TP53I13: variants seen among roughly 807,000 people sequenced by gnomAD.
TP53I13 encodes the protein tumor protein p53-inducible protein 13.
Under a neutral mutation model 39.1 loss-of-function variants are expected in TP53I13, and 27 were observed. The observed-to-expected ratio is 0.69, with a 90% CI of 0.51 to 0.95. The LOEUF (loss-of-function observed/expected upper bound fraction) is 0.95, where lower values mean the gene tolerates loss of function less well. TP53I13 is among the 40% of genes least tolerant of loss of function. The pLI, the probability that TP53I13 is intolerant of heterozygous loss-of-function variation, is 0.00. For synonymous variants in TP53I13, 230 were observed against 224.6 expected (o/e 1.02, Z -0.22); for missense variants, 544 against 520.4 (o/e 1.05, Z -0.44).
intron 3 of TP53I13, chr17:29,570,651 C>A (rs530875169): frequency 6.6e-6 from 1 of 152,238 alleles, no homozygotes; most frequent in African/African-American, 2.4e-5. Context: ...CCCACCTTAT[C>A]GTGGCCATAT....
At chr17:29,576,505 C>A (rs766232340), downstream of TP53I13, 21 of 1,613,490 alleles carry the variant, frequency 1.3e-5, no homozygotes, top group Non-Finnish European at 1.7e-5. Flanking sequence ...CCCCTCCCAC[C>A]GAGGCTGCAC....
At chr17:29,576,739 G>A, downstream of TP53I13, 4 of 1,600,750 alleles carry the variant, frequency 2.5e-6, no homozygotes, top group Non-Finnish European at 3.4e-6. Context: ...GCAGGGGGCA[G>A]TTATTGAGGC....
chr17:29,577,991 G>A (rs1279581792), downstream of TP53I13, among the ~76,000 whole-genome samples: 2 of 152,260 alleles, frequency 1.3e-5, no homozygotes, highest in Admixed American at 6.5e-5. Context: ...GCTGGAATCC[G>A]GCTGTGGCCA....
chr17:29,577,802 G>A (rs1598568492), downstream of TP53I13: 5 of 1,004,994 alleles, frequency 5.0e-6, no homozygotes, highest in East Asian at 4.8e-5. Flanking sequence ...GGTGGGGGTG[G>A]GGAAGCACTG....
downstream of TP53I13, chr17:29,573,829 G>A (rs1232403560): frequency 6.6e-6 from 1 of 151,798 alleles, no homozygotes; most frequent in African/African-American, 2.5e-5. Context: ...CCACGCAGGA[G>A]CAGGAGGAGA....
At chr17:29,576,818 C>G, downstream of TP53I13, 1 of 1,577,418 alleles carries the variant, frequency 6.3e-7, no homozygotes, top group Non-Finnish European at 8.6e-7. Flanking sequence ...CAGCGAAGGC[C>G]TGGGTCAGGG....
downstream of TP53I13, chr17:29,577,580 G>T: frequency 9.4e-7 from 1 of 1,058,676 alleles, no homozygotes; most frequent in Non-Finnish European, 1.5e-6. Context: ...CCAGCCCACT[G>T]CCGGATGAGG....
At chr17:29,576,891 G>T, downstream of TP53I13, 1 of 1,575,922 alleles carries the variant, frequency 6.3e-7, no homozygotes, top group Non-Finnish European at 8.6e-7. Context: ...AGTGGCGCCG[G>T]TGCTGCGCAG....
chr17:29,578,280 C>T, the TP53I13 span: 3 of 1,605,866 alleles, frequency 1.9e-6, no homozygotes, highest in South Asian at 1.1e-5. Context: ...ACGCCAGACA[C>T]TCCTGCTCCC....
downstream of TP53I13, among the ~76,000 whole-genome samples, chr17:29,578,128 C>T (rs192126585): frequency 3.3e-5 from 5 of 152,316 alleles, no homozygotes; most frequent in African/African-American, 9.6e-5. Context: ...CCTCAGCACT[C>T]TACCCAGCCT....
In TP53I13 at chr17:29,572,794, T is replaced by G. The variant is rs1176465882; in HGVS notation, c.1070-18T>G. The G allele has an allele frequency of 6.8e-7, 1 of 1,468,196 alleles. No homozygotes were observed. Among genetic ancestry groups the G allele is most frequent in the Non-Finnish European group, 9.1e-7 (1 of 1,094,256 alleles). The allele number at this position is 1,468,196 out of a possible 1,614,324, so 90.9% of individuals were successfully genotyped here. On this transcript the variant is annotated intron_variant, in intron 6 of 6. Transcript: ENST00000301057. The stretch of plus-strand genomic sequence containing the variant: ...TCCCTGCCCTCCCGCCCTTGACTGC[T>G]CGGCGCCCGGCCCACAGCTGTGCTG...
chr17:29,575,290 G>A, downstream of TP53I13: 2 of 1,610,960 alleles, frequency 1.2e-6, no homozygotes, highest in Middle Eastern at 1.7e-4. This position sits in a 1 kb window ranked among gnomAD's most constrained non-coding sequence, Gnocchi z 5.5. Flanking sequence ...CTCAGTACCT[G>A]TCATGCTTGA....
chr17:29,566,510 C>A (rs201813093), upstream of TP53I13: 3 of 1,611,066 alleles, frequency 1.9e-6, no homozygotes, highest in Non-Finnish European at 2.5e-6. Flanking sequence ...AGGCCCCCGG[C>A]GCTGGTGATC....
chr17:29,568,861 G>A lies in TP53I13; in HGVS notation c.72+31G>A. On this transcript the variant is annotated intron_variant, in intron 1 of 6. Transcript: ENST00000301057. This position sits in a 1 kb window ranked among gnomAD's most constrained non-coding sequence, Gnocchi z 4.5. The stretch of plus-strand genomic sequence containing the variant: ...GTGACCCGCTCCTGGGAAGGCCTCG[G>A]CCCGCGAGCTCAAAGCGCTTTGCCA... 6.3e-7 allele frequency: 1 copy of A among 1,599,736 alleles called. No individual in the cohort carries two copies. The highest frequency in any genetic ancestry group is 1.3e-5 in the African/African-American group (1 of 74,996).
At chr17:29,566,508 G>A (rs1215366048), upstream of TP53I13, 4 of 1,611,326 alleles carry the variant, frequency 2.5e-6, no homozygotes, top group Admixed American at 1.7e-5. Context: ...GAAGGCCCCC[G>A]GCGCTGGTGA....
the TP53I13 span, chr17:29,578,636 G>A: frequency 8.7e-7 from 1 of 1,153,944 alleles, no homozygotes; most frequent in Admixed American, 1.7e-5. Context: ...CTTGGAAAAG[G>A]TCATCGAGTC....
the TP53I13 span, chr17:29,581,935 G>T: frequency 6.2e-7 from 1 of 1,609,852 alleles, no homozygotes. This position sits in a 1 kb window ranked among gnomAD's most constrained non-coding sequence, Gnocchi z 4.8. Flanking sequence ...ACCTGGCATA[G>T]TCAATGGGTG....
downstream of TP53I13, chr17:29,575,103 G>A (rs757777256): frequency 1.4e-5 from 22 of 1,599,876 alleles, no homozygotes; most frequent in East Asian, 1.3e-4. The surrounding 1 kb of genome is among the most constrained non-coding windows in gnomAD (Gnocchi z 5.5). Context: ...AGGCCATCTC[G>A]GTCACAGCCA....
chr17:29,582,154 G>C, the TP53I13 span: 2 of 1,541,736 alleles, frequency 1.3e-6, no homozygotes, highest in Admixed American at 1.9e-5. Context: ...GCTAAGAGGA[G>C]CAGAGTGTGC....
Sources: allele counts gnomAD v4.1 joint callset (sites outside exome capture counted in the v4.1 genomes callset), GRCh38; gene constraint gnomAD v4.1.1; non-coding constraint Gnocchi (gnomAD v3.1); transcripts MANE v1.5; gene names NCBI Gene and HGNC (gene_info 2026-07-23, HGNC 2026-07-21).